The following ATP6V1A variants were observed in gnomAD, a reference collection of about 807,000 sequenced individuals.
ATP6V1A encodes the protein ATPase H+ transporting V1 subunit A, also known as V-type proton ATPase catalytic subunit A.
In ATP6V1A, 18 loss-of-function variants were observed where a neutral mutation model predicts 70.1. That is an observed-to-expected ratio of 0.26 (90% CI 0.18 to 0.38). The LOEUF (loss-of-function observed/expected upper bound fraction) is 0.38, where lower values mean the gene tolerates loss of function less well. Among genes scored for constraint, ATP6V1A ranks in the 10% least tolerant of loss-of-function variants. ATP6V1A has a pLI of 1.00. For synonymous variants in ATP6V1A, 232 were observed against 253.8 expected, an observed-to-expected ratio of 0.91 and a Z score of 0.82; for missense variants, 424 against 772.4, an observed-to-expected ratio of 0.55 and a Z score of 5.35.
chr3:113,778,715 CTT>C (rs753657563), intron 1 of ATP6V1A, 24 bp from the exon 2 acceptor site: 1 of 1,364,030 alleles, frequency 7.3e-7, no homozygotes, highest in Non-Finnish European at 9.9e-7. Flanking sequence ...ATAATTATAA[CTT>C]ATTTATTTAT....
At chr3:113,799,528 C>G (rs1231794040) in intron 12 of ATP6V1A, among the ~76,000 whole-genome samples, 1 of 152,078 alleles carries the variant, frequency 6.6e-6, no homozygotes, top group African/African-American at 2.4e-5. Context: ...ACCAGCATGC[C>G]TAATCTCATC....
At chr3:113,765,918 C>T (rs768075245) in intron 1 of ATP6V1A, among the ~76,000 whole-genome samples, 1 of 151,996 alleles carries the variant, frequency 6.6e-6, no homozygotes, top group Non-Finnish European at 1.5e-5. Flanking sequence ...TAGAGCAAGA[C>T]TCCATCTCAA....
chr3:113,762,498 G>A (rs535994625), intron 1 of ATP6V1A, among the ~76,000 whole-genome samples: 4 of 152,020 alleles, frequency 2.6e-5, no homozygotes, highest in Admixed American at 6.6e-5. Flanking sequence ...AACCCAGGAC[G>A]TGGAGGTTGC....
intron 14 of ATP6V1A, among the ~76,000 whole-genome samples, chr3:113,807,036 A>G (rs1199157698): frequency 1.3e-5 from 2 of 152,082 alleles, no homozygotes; most frequent in Non-Finnish European, 1.5e-5. Flanking sequence ...AAACCTGTAC[A>G]AATAGGTAAG....
chr3:113,787,724 T>C (rs1231338556), intron 6 of ATP6V1A, among the ~76,000 whole-genome samples: 1 of 152,248 alleles, frequency 6.6e-6, no homozygotes, highest in East Asian at 1.9e-4. Flanking sequence ...ATAGTAGATT[T>C]ATGTCACCAT....
At chr3:113,803,712 AT>A in intron 13 of ATP6V1A, 35 bp downstream of exon 13, 1 of 1,524,058 alleles carries the variant, frequency 6.6e-7, no homozygotes, top group Non-Finnish European at 9.0e-7. Flanking sequence ...TTATTTGAGG[AT>A]TTTCTGTTGT....
intron 8 of ATP6V1A, among the ~76,000 whole-genome samples, chr3:113,791,522 T>C (rs1407595129): frequency 6.6e-6 from 1 of 152,166 alleles, no homozygotes; most frequent in Non-Finnish European, 1.5e-5. Flanking sequence ...TGTACTGATA[T>C]TTATTATTAC....
At position 113,759,370 on chromosome 3, in the gene ATP6V1A, GC is replaced by G. The variant is rs1286233588; in HGVS notation, c.-14+12259del. Among the ~76,000 whole-genome samples the G allele has an allele frequency of 9.9e-5, 14 of 141,142 alleles. No homozygotes were observed. The South Asian group carries it at 2.9e-3, about 29-fold the overall frequency. The allele number at this position is 141,142 out of a possible 152,430, so 92.6% of individuals were successfully genotyped here. On this transcript the variant is annotated intron_variant, in intron 1 of 14. Coordinates refer to ENST00000273398, the MANE Select transcript of ATP6V1A (RefSeq NM_001690.4). ...GACAATATGCTTTCTACACTGAATT[GC>G]CTTTGCACTTTTGTCAAAAGCCAGT...
At chr3:113,798,551 T>C in intron 12 of ATP6V1A, 105 bp downstream of exon 12, 1 of 938,224 alleles carries the variant, frequency 1.1e-6, no homozygotes, top group Non-Finnish European at 1.5e-6. Flanking sequence ...GCAAAATAAA[T>C]ATTTATTAAA....
intron 1 of ATP6V1A, among the ~76,000 whole-genome samples, chr3:113,764,951 G>A (rs1274678815): frequency 7.0e-6 from 1 of 143,216 alleles, no homozygotes; most frequent in Admixed American, 7.3e-5. Flanking sequence ...TTGCATCACT[G>A]TACTCCAGCA....
At chr3:113,763,053 C>A (rs917960514) in intron 1 of ATP6V1A, among the ~76,000 whole-genome samples, 1 of 151,994 alleles carries the variant, frequency 6.6e-6, no homozygotes, top group Admixed American at 6.6e-5. Context: ...ATTCTTATTA[C>A]CATTAGTCAA....
intron 1 of ATP6V1A, 143 bp downstream of exon 1, chr3:113,747,256 A>G (rs539305722): frequency 6.6e-6 from 1 of 152,180 alleles, no homozygotes; most frequent in East Asian, 1.9e-4. Context: ...CAAGGAGCTC[A>G]TTTCTCCTTA....
chr3:113,779,946 C>T (rs1276931295), intron 2 of ATP6V1A, among the ~76,000 whole-genome samples: 1 of 152,122 alleles, frequency 6.6e-6, no homozygotes, highest in African/African-American at 2.4e-5. Context: ...TGGTGGCTTG[C>T]TGCACCTATC....
At chr3:113,791,146 C>G (rs1709087810) in intron 8 of ATP6V1A, among the ~76,000 whole-genome samples, 1 of 151,974 alleles carries the variant, frequency 6.6e-6, no homozygotes, top group African/African-American at 2.4e-5. Flanking sequence ...TTATGGCTGT[C>G]TTCTTCAAAT....
At chr3:113,748,637 G>A (rs1467543436) in intron 1 of ATP6V1A, among the ~76,000 whole-genome samples, 1 of 152,158 alleles carries the variant, frequency 6.6e-6, no homozygotes, top group Non-Finnish European at 1.5e-5. Context: ...TTCTACAATA[G>A]CAGCAGTTTA....
chr3:113,798,988 C>CA (rs1709182506), intron 12 of ATP6V1A, among the ~76,000 whole-genome samples: 2 of 151,814 alleles, frequency 1.3e-5, no homozygotes, highest in African/African-American at 4.8e-5. Flanking sequence ...TAATTTATTC[C>CA]AAAAAAGGTT....
rs569610446 is a variant in ATP6V1A at position 113,765,015 on chromosome 3, A to G, written c.-13-13726A>G. ...TCTTAATTGAAAAAAAAAAAAAAAA[A>G]GCAGGAATTTCTTACCCAAATTCTG... On this transcript the variant is annotated intron_variant, in intron 1 of 14. Coordinates refer to ENST00000273398, the MANE Select transcript of ATP6V1A (RefSeq NM_001690.4). 2.3e-3 allele frequency among the ~76,000 whole-genome samples: 348 copies of G among 151,352 alleles called. 1 individual carries two copies. The highest frequency in any genetic ancestry group is 4.2e-3 in the South Asian group (20 of 4,776).
chr3:113,760,654 G>A (rs1708693156), intron 1 of ATP6V1A, among the ~76,000 whole-genome samples: 1 of 152,024 alleles, frequency 6.6e-6, no homozygotes, highest in Non-Finnish European at 1.5e-5. Context: ...CATAAACCCG[G>A]GAGTTTGGAG....
At chr3:113,797,769 C>A (rs1709168932) in intron 11 of ATP6V1A, among the ~76,000 whole-genome samples, 1 of 152,124 alleles carries the variant, frequency 6.6e-6, no homozygotes, top group Admixed American at 6.5e-5. Context: ...TTGTCATTTT[C>A]TGCAAGTTTT....
Sources: allele counts gnomAD v4.1 joint callset (sites outside exome capture counted in the v4.1 genomes callset), GRCh38; gene constraint gnomAD v4.1.1; transcripts MANE v1.5; gene names NCBI Gene and HGNC (gene_info 2026-07-23, HGNC 2026-07-21).